Variants in MOV10L1 observed in about 807,000 individuals in gnomAD.
MOV10L1 encodes the protein RNA helicase Mov10l1.
MOV10L1 carries 110 observed loss-of-function variants against 143.8 expected under a neutral mutation model. That is an observed-to-expected ratio of 0.76 (90% CI 0.66 to 0.90). The LOEUF is 0.90. MOV10L1 is among the 40% of genes least tolerant of loss of function. MOV10L1 has a pLI of 0.00. For synonymous variants in MOV10L1, 593 were observed against 581.1 expected (o/e 1.02, Z -0.29); for missense variants, 1,406 against 1,526.8 (o/e 0.92, Z 1.32).
At chr22:50,126,376 A>G in intron 12 of MOV10L1, 104 bp downstream of exon 12, 1 of 725,486 alleles carries the variant, frequency 1.4e-6, no homozygotes, top group Non-Finnish European at 2.3e-6. Context: ...TCCCATATGC[A>G]TTGGCTATTT....
chr22:50,148,159 G>A (rs763079366), intron 19 of MOV10L1, among the ~76,000 whole-genome samples: 4 of 152,250 alleles, frequency 2.6e-5, no homozygotes, highest in South Asian at 2.1e-4. Context: ...CCCAAGGTGC[G>A]TCCTGTTGAG....
chr22:50,144,173 G>A lies in MOV10L1; in HGVS notation c.2435G>A (p.Arg812Gln), dbSNP rs753347542. 1.1e-5 allele frequency: 17 copies of A among 1,613,260 alleles called. No individual in the cohort carries two copies. Among genetic ancestry groups the A allele is most frequent in the East Asian group, 2.2e-5 (1 of 44,884 alleles). ...SNSAADLVCL[R>Q]LHESKVLQPA... ...AGTGCTGCTGACCTCGTGTGTCTGC[G>A]GCTGCACGAGAGCAAGGTGCTACAG... Residue 812 changes from arginine (R) to glutamine (Q), a missense_variant, in exon 18 of 27, where the codon CGG becomes CAG. By Grantham distance (43) the Arg-to-Gln change is conservative. Coordinates refer to ENST00000262794, the MANE Select transcript of MOV10L1 (RefSeq NM_018995.3).
At chr22:50,150,654 A>T in intron 20 of MOV10L1, 81 bp from the exon 21 acceptor site, 1 of 1,497,758 alleles carries the variant, frequency 6.7e-7, no homozygotes, top group South Asian at 1.2e-5. Context: ...CATCCTGCGC[A>T]CAGCCCCATT....
At chr22:50,098,764 A>G (rs1008305956) in intron 2 of MOV10L1, among the ~76,000 whole-genome samples, 3 of 152,174 alleles carry the variant, frequency 2.0e-5, no homozygotes, top group Non-Finnish European at 4.4e-5. Flanking sequence ...CTTAGGGGAA[A>G]GCTTTCGGCC....
At chr22:50,123,732 ATTAG>A (rs1194370771) in intron 10 of MOV10L1, among the ~76,000 whole-genome samples, 1 of 152,216 alleles carries the variant, frequency 6.6e-6, no homozygotes, top group Admixed American at 6.5e-5. Context: ...AAAGATTGGT[ATTAG>A]TTAGTCTTCA....
intron 2 of MOV10L1, among the ~76,000 whole-genome samples, chr22:50,096,840 A>G (rs567182245): frequency 2.6e-4 from 39 of 152,198 alleles, no homozygotes; most frequent in Non-Finnish European, 4.7e-4. Flanking sequence ...GTTTTCTTGT[A>G]GTAGGAATTC....
chr22:50,154,223 G>C (rs901239195), intron 22 of MOV10L1, among the ~76,000 whole-genome samples: 5 of 152,096 alleles, frequency 3.3e-5, no homozygotes, highest in Non-Finnish European at 7.4e-5. Context: ...CATCTGTCCT[G>C]CTAGCTCTGC....
chr22:50,099,139 C>T (rs974885792), intron 2 of MOV10L1, among the ~76,000 whole-genome samples: 1 of 152,204 alleles, frequency 6.6e-6, no homozygotes, highest in African/African-American at 2.4e-5. Flanking sequence ...CCCCAAAATA[C>T]GTATGTTGAA....
chr22:50,090,761 C>T (rs1244679043), intron 1 of MOV10L1: 30 of 473,690 alleles, frequency 6.3e-5, no homozygotes, highest in Non-Finnish European at 1.5e-5. Context: ...ACCGCAACCT[C>T]CGCCTTCTGG....
intron 2 of MOV10L1, among the ~76,000 whole-genome samples, chr22:50,097,634 C>T (rs1227831299): frequency 1.3e-5 from 2 of 152,114 alleles, no homozygotes; most frequent in Admixed American, 6.6e-5. Context: ...ACACTGGTGC[C>T]ACACTAGTTT....
In MOV10L1 at chr22:50,114,517, G is replaced by T; in HGVS notation, c.1021G>T (p.Glu341Ter). The T allele has an allele frequency of 6.2e-7, 1 of 1,614,142 alleles. No homozygotes were observed. The highest frequency in any genetic ancestry group is 8.5e-7 in the Non-Finnish European group (1 of 1,180,022). ...VVSFVSVPEK[E>*]NSSDENINSL... ...ATCTTTTGTTTCTGTTCCTGAGAAGGAGAATTCATCAGATGAAAATATTAA... is the reference window on the plus strand; with the variant it reads ...ATCTTTTGTTTCTGTTCCTGAGAAGTAGAATTCATCAGATGAAAATATTAA... Residue 341 changes from glutamate to a stop codon, truncating the protein, a stop_gained, in exon 7 of 27, where the codon GAG becomes TAG. Transcript: ENST00000262794. LOFTEE classifies it high-confidence loss of function.
chr22:50,157,891 T>A (rs1478311293), intron 22 of MOV10L1, among the ~76,000 whole-genome samples, 166 bp from the exon 23 acceptor site: 1 of 151,962 alleles, frequency 6.6e-6, no homozygotes, highest in Non-Finnish European at 1.5e-5. Context: ...CATTTCATCA[T>A]TTAACATATG....
rs1423867131 is a variant in MOV10L1 at position 50,090,139 on chromosome 22, C to T, written c.51C>T (p.Asp17=). ...KLVAFFWRTA[D]TPREEAGQLE... is the part of the protein sequence containing the mutation. The stretch of plus-strand genomic sequence containing the variant: ...TGGCCTTCTTCTGGAGGACGGCGGA[C>T]ACCCCTAGGGAGGAAGCCGGGCAGC... The change falls in exon 1 of 27, where the codon GAC becomes GAT. Residue 17 remains aspartate, a synonymous_variant. Coordinates refer to ENST00000262794, the MANE Select transcript of MOV10L1 (RefSeq NM_018995.3). 5 of 1,381,838 alleles carry T rather than the reference C, an allele frequency of 3.6e-6. No homozygotes were observed. Among genetic ancestry groups the T allele is most frequent in the Non-Finnish European group, 3.7e-6 (4 of 1,068,642 alleles). 85.6% of individuals were successfully genotyped at this position (1,381,838 alleles called of 1,614,324 possible). A position where few individuals can be genotyped will look rare whatever the true frequency, so the allele number is the denominator to read the frequency against.
rs201034284 is a variant in MOV10L1 at position 50,158,199 on chromosome 22, G to A, written c.3209G>A (p.Arg1070Gln). The change falls in exon 23 of 27, where the codon CGG becomes CAG. Residue 1070 changes from arginine (R) to glutamine (Q), a missense_variant. Arg to Gln is a conservative substitution (Grantham distance 43). Transcript: ENST00000262794. This position sits in a 1 kb window ranked among gnomAD's most constrained non-coding sequence, Gnocchi z 5.0. ...GACATTGGCGTCATCACGCCCTACC[G>A]GAAGCAGGTACGCCCTGCCCAGGCA... ...ASDIGVITPYRKQVEKIRILL... is the reference protein window; with the variant it reads ...ASDIGVITPYQKQVEKIRILL... 5.6e-6 allele frequency: 9 copies of A among 1,613,970 alleles called. No homozygotes were observed. The highest frequency in any genetic ancestry group is 5.0e-5 in the Admixed American group (3 of 60,004).
At chr22:50,108,866 C>T in intron 5 of MOV10L1, 22 bp downstream of exon 5, 6 of 1,611,384 alleles carry the variant, frequency 3.7e-6, no homozygotes, top group Non-Finnish European at 5.1e-6. Context: ...CTTTTCTGGC[C>T]AGGTGCGGTG....
intron 3 of MOV10L1, among the ~76,000 whole-genome samples, chr22:50,102,575 G>T (rs185055423): frequency 6.6e-6 from 1 of 152,254 alleles, no homozygotes; most frequent in African/African-American, 2.4e-5. Context: ...CGCATTTTGA[G>T]AGAACAGACA....
At chr22:50,113,907 C>CTTTTA in intron 6 of MOV10L1, 119 bp downstream of exon 6, 1 of 451,130 alleles carries the variant, frequency 2.2e-6, no homozygotes, top group Non-Finnish European at 3.3e-6. Context: ...TTATGAAGAT[C>CTTTTA]TTTTCTTTTT....
At position 50,141,889 on chromosome 22, in the gene MOV10L1, C is replaced by CT. The variant is rs539111502; in HGVS notation, c.2071-186dup. 2.2e-4 allele frequency among the ~76,000 whole-genome samples: 34 copies of CT among 152,182 alleles called. No homozygotes were observed. In the East Asian group the frequency reaches 5.6e-3, roughly 25 times the overall value. ...GCAAGTTTAAAGAAAAAAGCACAAACTTTTTTAGCAGTTTTTTATCTGATC... is the reference window on the plus strand; with the variant it reads ...GCAAGTTTAAAGAAAAAAGCACAAACTTTTTTTAGCAGTTTTTTATCTGATC... On this transcript the variant is annotated intron_variant, in intron 15 of 26. Transcript: ENST00000262794.
chr22:50,149,769 G>A (rs570102322), intron 20 of MOV10L1, 55 bp downstream of exon 20: 4 of 1,502,660 alleles, frequency 2.7e-6, no homozygotes, highest in Admixed American at 3.7e-5. Flanking sequence ...CTCCTGAGGG[G>A]ATGCAGGCTG....
Sources: allele counts gnomAD v4.1 joint callset (sites outside exome capture counted in the v4.1 genomes callset), GRCh38; gene constraint gnomAD v4.1.1; non-coding constraint Gnocchi (gnomAD v3.1); transcripts MANE v1.5; gene names NCBI Gene and HGNC (gene_info 2026-07-23, HGNC 2026-07-21).